The following SGCZ variants were observed in gnomAD, a reference collection of about 807,000 sequenced individuals.
SGCZ encodes zeta-sarcoglycan.
In SGCZ, 40 loss-of-function variants were observed where a neutral mutation model predicts 41.3. The ratio of observed to expected loss-of-function variants is 0.97; its 90% confidence interval spans 0.75 to 1.26. SGCZ has a LOEUF of 1.26. Ranked by LOEUF, SGCZ falls within the 50% of genes most tolerant of loss-of-function variation. The pLI is 0.00. For missense variants in SGCZ, 552 were observed against 369.8 expected, an observed-to-expected ratio of 1.49 and a Z score of -4.04; for synonymous variants, 206 against 137.5, an observed-to-expected ratio of 1.50 and a Z score of -3.49.
intron 2 of SGCZ, among the ~76,000 whole-genome samples, chr8:14,477,602 CA>C (rs1801397803): frequency 6.6e-6 from 1 of 152,106 alleles, no homozygotes; most frequent in Non-Finnish European, 1.5e-5. Flanking sequence ...ACAATATATA[CA>C]AAAGGTTAAT....
intron 1 of SGCZ, among the ~76,000 whole-genome samples, chr8:14,625,204 A>G (rs573102258): frequency 1.3e-5 from 2 of 152,300 alleles, no homozygotes; most frequent in African/African-American, 4.8e-5. Context: ...TTATTTTAGT[A>G]GCATTACAAC....
chr8:14,449,670 G>A (rs924060813), intron 2 of SGCZ, among the ~76,000 whole-genome samples: 1 of 152,062 alleles, frequency 6.6e-6, no homozygotes, highest in African/African-American at 2.4e-5. Context: ...ACCCCGCTTG[G>A]CCTTTCACCC....
chr8:15,144,541 T>G lies in SGCZ; in HGVS notation c.39+93044A>C, dbSNP rs1798986277. Among the ~76,000 whole-genome samples the G allele has an allele frequency of 2.0e-5, 3 of 152,186 alleles. No individual in the cohort carries two copies. The South Asian group carries it at 6.2e-4, about 32-fold the overall frequency. On this transcript the variant is annotated intron_variant, in intron 1 of 7. Coordinates refer to ENST00000382080, the MANE Select transcript of SGCZ (RefSeq NM_139167.4). ...GTGCAGTGGAGCCACCTTGGCTCAC[T>G]GCAACCACCTCCCGGGTTCAAGCGA...
chr8:14,726,673 T>A (rs550067286), intron 1 of SGCZ, among the ~76,000 whole-genome samples: 183 of 151,666 alleles, frequency 1.2e-3, no homozygotes, highest in Middle Eastern at 6.8e-3. Context: ...ACAGAATAGA[T>A]TAATAAATGT....
chr8:14,996,278 T>G (rs764916228), intron 1 of SGCZ, among the ~76,000 whole-genome samples: 3 of 152,204 alleles, frequency 2.0e-5, no homozygotes, highest in African/African-American at 7.2e-5. Flanking sequence ...CTGAACCGCA[T>G]GAAACCATTT....
At chr8:14,384,831 G>A (rs374794718) in intron 2 of SGCZ, among the ~76,000 whole-genome samples, 13 of 152,340 alleles carry the variant, frequency 8.5e-5, no homozygotes, top group African/African-American at 2.2e-4. Flanking sequence ...GGTTACAAGC[G>A]TGAGATACTG....
chr8:15,013,232 C>T (rs1292490063), intron 1 of SGCZ, among the ~76,000 whole-genome samples: 1 of 152,094 alleles, frequency 6.6e-6, no homozygotes, highest in Non-Finnish European at 1.5e-5. Context: ...TGGATTGCCT[C>T]AATACATTTC....
intron 1 of SGCZ, among the ~76,000 whole-genome samples, chr8:14,825,520 A>C (rs1477349598): frequency 6.6e-6 from 1 of 152,192 alleles, no homozygotes; most frequent in Non-Finnish European, 1.5e-5. Flanking sequence ...GTGACTTTAA[A>C]TTTTTGGTAA....
At chr8:14,725,439 C>T (rs1056981317) in intron 1 of SGCZ, among the ~76,000 whole-genome samples, 22 of 152,140 alleles carry the variant, frequency 1.4e-4, no homozygotes, top group African/African-American at 5.3e-4. Context: ...TACATTCCCA[C>T]CAACAGTGTA....
chr8:14,173,436 G>T (rs1374446666), intron 4 of SGCZ, among the ~76,000 whole-genome samples: 1 of 145,932 alleles, frequency 6.9e-6, no homozygotes, highest in Non-Finnish European at 1.5e-5. Context: ...AAAATGAAAT[G>T]CATAGGGCTG....
At chr8:15,193,946 T>C (rs1388355992) in intron 1 of SGCZ, among the ~76,000 whole-genome samples, 1 of 152,178 alleles carries the variant, frequency 6.6e-6, no homozygotes, top group East Asian at 1.9e-4. Context: ...CTTAATATTC[T>C]AGCAGCTAAA....
At chr8:15,167,680 T>TAA (rs60495317) in intron 1 of SGCZ, among the ~76,000 whole-genome samples, 34,750 of 151,428 alleles carry the variant, frequency 0.23, 4,841 homozygotes, top group East Asian at 0.68. Context: ...TTGGGATGTT[T>TAA]AAAAAAAAAT....
chr8:14,430,097 C>T (rs1237182666), intron 2 of SGCZ, among the ~76,000 whole-genome samples: 1 of 152,068 alleles, frequency 6.6e-6, no homozygotes, highest in Non-Finnish European at 1.5e-5. Context: ...GACAGATTCA[C>T]AGCAGAATTC....
intron 3 of SGCZ, among the ~76,000 whole-genome samples, chr8:14,246,709 C>T (rs1325118980): frequency 6.6e-6 from 1 of 151,474 alleles, no homozygotes; most frequent in East Asian, 1.9e-4. Flanking sequence ...AGATCAAGAC[C>T]ATCCTGGCTG....
At chr8:14,990,637 C>G (rs1047164019) in intron 1 of SGCZ, among the ~76,000 whole-genome samples, 6 of 152,060 alleles carry the variant, frequency 3.9e-5, no homozygotes, top group African/African-American at 1.4e-4. Flanking sequence ...GATCATGGCT[C>G]TCACTGATTC....
At chr8:14,232,606 T>G (rs1806611622) in intron 4 of SGCZ, among the ~76,000 whole-genome samples, 2 of 151,870 alleles carry the variant, frequency 1.3e-5, no homozygotes, top group South Asian at 4.1e-4. Flanking sequence ...TATTTTTTAT[T>G]TTATTATTAT....
chr8:14,556,063 G>T (rs1010195150), intron 1 of SGCZ, among the ~76,000 whole-genome samples: 1 of 151,748 alleles, frequency 6.6e-6, no homozygotes, highest in African/African-American at 2.4e-5. Flanking sequence ...ATAAGCAAAT[G>T]CATTTTTTAC....
chr8:14,710,440 G>C (rs1305534257), intron 1 of SGCZ, among the ~76,000 whole-genome samples: 5 of 151,272 alleles, frequency 3.3e-5, no homozygotes, highest in East Asian at 3.9e-4. Context: ...CAATTCAATG[G>C]AGCAATTAAA....
intron 1 of SGCZ, among the ~76,000 whole-genome samples, chr8:14,641,617 T>C (rs1807030756): frequency 6.6e-6 from 1 of 151,662 alleles, no homozygotes; most frequent in South Asian, 2.1e-4. Context: ...ATTACTCAAG[T>C]ATTATTTATT....
Sources: gnomAD v4.1 joint callset for allele counts (sites outside exome capture counted in the v4.1 genomes callset) on GRCh38, gnomAD v4.1.1 for gene constraint, MANE v1.5 for transcripts, NCBI Gene and HGNC (gene_info 2026-07-23, HGNC 2026-07-21) for gene names.